Variants in ZNF568 observed in about 807,000 individuals in gnomAD.
ZNF568 encodes the protein zinc finger protein 568, also known as p53 inhibitor of SCO2 activation.
ZNF568 carries 11 observed loss-of-function variants against 18.1 expected under a neutral mutation model. That is an observed-to-expected ratio of 0.61 (90% confidence interval 0.38 to 1.00). The LOEUF is 1.00. Ranked by LOEUF, ZNF568 falls within the 50% of genes least tolerant of loss-of-function variation. The pLI, the probability that ZNF568 is intolerant of heterozygous loss-of-function variation, is 0.01. For synonymous variants in ZNF568, 213 were observed against 246.6 expected, an observed-to-expected ratio of 0.86 and a Z score of 1.28; for missense variants, 639 against 768.2, an observed-to-expected ratio of 0.83 and a Z score of 1.99.
At chr19:36,940,555 T>C (rs1421666274) in intron 6 of ZNF568, among the ~76,000 whole-genome samples, 3 of 152,226 alleles carry the variant, frequency 2.0e-5, no homozygotes, top group Non-Finnish European at 2.9e-5. Flanking sequence ...ATTTTTCTTA[T>C]TTTTGGTTGT....
chr19:36,943,820 G>A (rs542338023), intron 6 of ZNF568, among the ~76,000 whole-genome samples: 13 of 152,140 alleles, frequency 8.5e-5, no homozygotes, highest in Non-Finnish European at 1.3e-4. Context: ...TGATCAGCCC[G>A]CTTTGGCCTC....
At chr19:36,927,190 A>C (rs1172772994) in intron 4 of ZNF568, among the ~76,000 whole-genome samples, 1 of 152,220 alleles carries the variant, frequency 6.6e-6, no homozygotes, top group Non-Finnish European at 1.5e-5. Flanking sequence ...ATGTATACAT[A>C]ATAGAATTCA....
chr19:36,976,983 A>G (rs976358319), intron 7 of ZNF568, among the ~76,000 whole-genome samples: 1 of 152,234 alleles, frequency 6.6e-6, no homozygotes, highest in Non-Finnish European at 1.5e-5. Context: ...TTGTCAAAGA[A>G]TGCTATTTTT....
Position 36,918,417 on chromosome 19 carries a change from T to C in ZNF568, c.-186+769T>C, listed in dbSNP as rs531192498. The stretch of plus-strand genomic sequence containing the variant: ...TAAATCATCTCTAGATTATTTGTAA[T>C]ACCTAATATAATGTAAATGCTGTGT... On this transcript the variant is annotated intron_variant, in intron 2 of 6. Transcript: ENST00000333987. Among the ~76,000 whole-genome samples the C allele has an allele frequency of 2.6e-5, 4 of 152,312 alleles. No individual in the cohort carries two copies. The South Asian group carries it at 6.2e-4, about 24-fold the overall frequency.
downstream of ZNF568, among the ~76,000 whole-genome samples, chr19:36,981,158 C>G (rs2074328157): frequency 6.6e-6 from 1 of 152,172 alleles, no homozygotes; most frequent in African/African-American, 2.4e-5. Context: ...ATATGTTTGT[C>G]TATTCTGGGC....
chr19:36,925,018 C>T (rs1292678347), intron 3 of ZNF568, among the ~76,000 whole-genome samples, 182 bp from the exon 4 acceptor site: 1 of 152,052 alleles, frequency 6.6e-6, no homozygotes, highest in Non-Finnish European at 1.5e-5. Flanking sequence ...CATCAGACCC[C>T]ATATGATTAA....
intron 7 of ZNF568, among the ~76,000 whole-genome samples, chr19:36,975,070 A>G (rs1644650): frequency 0.56 from 84,452 of 149,958 alleles, 24,516 homozygotes; most frequent in African/African-American, 0.69. Context: ...CAGGCAATCC[A>G]CCTGCCTCGG....
chr19:36,920,743 A>G (rs1400961667), intron 2 of ZNF568, among the ~76,000 whole-genome samples: 1 of 152,160 alleles, frequency 6.6e-6, no homozygotes, highest in Non-Finnish European at 1.5e-5. Flanking sequence ...AGTGTTTATA[A>G]AGTCTACAGT....
At chr19:36,954,716 G>A (rs886609521), downstream of ZNF568, among the ~76,000 whole-genome samples, 7 of 150,806 alleles carry the variant, frequency 4.6e-5, no homozygotes, top group East Asian at 2.0e-4. Flanking sequence ...CCACAGGTGC[G>A]TGCCACCATG....
chr19:36,981,648 G>C (rs1315608522), downstream of ZNF568, among the ~76,000 whole-genome samples: 1 of 152,120 alleles, frequency 6.6e-6, no homozygotes, highest in Non-Finnish European at 1.5e-5. Flanking sequence ...ACCGAGGCAG[G>C]CGAATCACTT....
At chr19:36,991,763 C>T in exon 4 of ZNF568, 1 of 1,574,616 alleles carries the variant, frequency 6.4e-7, no homozygotes, top group Non-Finnish European at 8.6e-7. Flanking sequence ...CTTTCTGATA[C>T]TAAGCCAAAT....
intron 3 of ZNF568, among the ~76,000 whole-genome samples, chr19:36,924,439 G>A (rs1048214873): frequency 6.6e-5 from 10 of 151,388 alleles, no homozygotes; most frequent in African/African-American, 1.9e-4. Context: ...AGCTGGTCTC[G>A]AACTCCTGAC....
chr19:36,991,304 C>G, intron 3 of ZNF568: 1 of 1,532,144 alleles, frequency 6.5e-7, no homozygotes. Flanking sequence ...TACTGGGTAA[C>G]TTTATCTGCC....
rs1176877003 is a variant in ZNF568 at position 36,936,779 on chromosome 19, C to A, written c.169C>A (p.Leu57Ile). The A allele has an allele frequency of 1.2e-6, 2 of 1,613,638 alleles. No homozygotes were observed. Among genetic ancestry groups the A allele is most frequent in the East Asian group, 4.5e-5 (2 of 44,886 alleles). Residue 57 changes from leucine (L) to isoleucine (I), a missense_variant, in exon 5 of 7, where the codon CTT becomes ATT. Physicochemically the swap from Leu to Ile is conservative, Grantham distance 5. Transcript: ENST00000333987. ...TVTFKDVAVD[L>I]TQEEWEQMKP... ...GACATTTAAGGATGTGGCTGTTGAC[C>A]TTACCCAGGAGGAGTGGGAGCAAAT...
chr19:36,960,275 G>A (rs2074138855), intron 6 of ZNF568, among the ~76,000 whole-genome samples: 1 of 151,386 alleles, frequency 6.6e-6, no homozygotes, highest in Non-Finnish European at 1.5e-5. Context: ...TCACCACCAT[G>A]CCCAGCTAAT....
Position 36,922,666 on chromosome 19 carries a change from C to A in ZNF568, c.-105C>A. 1 of 860,098 alleles carries A rather than the reference C, an allele frequency of 1.2e-6. No individual in the cohort carries two copies. Among genetic ancestry groups the A allele is most frequent in the Non-Finnish European group, 1.8e-6 (1 of 542,072 alleles). The allele number at this position is 860,098 out of a possible 1,614,324, so 53.3% of individuals were successfully genotyped here. A position where few individuals can be genotyped will look rare whatever the true frequency, so the allele number is the denominator to read the frequency against. On this transcript the variant is annotated 5_prime_UTR_variant, in exon 3 of 7. In the 5' UTR this introduces an upstream ATG that the reference lacks. Coordinates refer to ENST00000333987, the MANE Select transcript of ZNF568 (RefSeq NM_198539.4). The stretch of plus-strand genomic sequence containing the variant: ...CAGGTGTCTTATCATGGAAGGAGAC[C>A]TGACCTGAGACCTGCCTTAGAGGCT...
In ZNF568 at chr19:36,947,178, G is replaced by A. The variant is rs568798817; in HGVS notation, c.359-2334G>A. Among the ~76,000 whole-genome samples the A allele has an allele frequency of 1.7e-3, 255 of 151,996 alleles. 2 individuals carry two copies. Among genetic ancestry groups the A allele is most frequent in the South Asian group, 5.2e-3 (25 of 4,810 alleles). ...TTACAGGCACGTACCACCACGCCCAGCTAATTTTTGTATTTTTAGTAGAGA... is the reference window on the plus strand; with the variant it reads ...TTACAGGCACGTACCACCACGCCCAACTAATTTTTGTATTTTTAGTAGAGA... On this transcript the variant is annotated intron_variant, in intron 6 of 6. Transcript: ENST00000333987.
chr19:36,930,444 C>T (rs1415673742), intron 4 of ZNF568, among the ~76,000 whole-genome samples: 2 of 152,106 alleles, frequency 1.3e-5, no homozygotes, highest in African/African-American at 2.4e-5. Flanking sequence ...CTCCTGACCT[C>T]GTGATCCGCC....
At chr19:36,981,200 A>C (rs1465314698), downstream of ZNF568, among the ~76,000 whole-genome samples, 4 of 152,132 alleles carry the variant, frequency 2.6e-5, no homozygotes, top group African/African-American at 4.8e-5. Context: ...CCGTTTGTCT[A>C]TTTAAACCAT....
Sources: gnomAD v4.1 joint callset for allele counts (sites outside exome capture counted in the v4.1 genomes callset) on GRCh38, gnomAD v4.1.1 for gene constraint, MANE v1.5 for transcripts, NCBI Gene and HGNC (gene_info 2026-07-23, HGNC 2026-07-21) for gene names.